The following WDR54 variants were observed in gnomAD, a reference collection of about 807,000 sequenced individuals.
WDR54 encodes the protein WD repeat domain 54, also known as WD repeat-containing protein 54.
Under a neutral mutation model 44.1 loss-of-function variants are expected in WDR54, and 44 were observed. That is an observed-to-expected ratio of 1.00 (90% CI 0.78 to 1.28). The LOEUF (loss-of-function observed/expected upper bound fraction) is 1.28, where lower values mean the gene tolerates loss of function less well. Ranked by LOEUF, WDR54 falls within the 50% of genes most tolerant of loss-of-function variation. The probability of loss-of-function intolerance (pLI) is 0.00; values close to 1 mark genes in which losing one functional copy is unlikely to be tolerated. For missense variants in WDR54, 409 were observed against 429.7 expected, an observed-to-expected ratio of 0.95 and a Z score of 0.43; for synonymous variants, 169 against 169.8, an observed-to-expected ratio of 1.00 and a Z score of 0.04.
At chr2:74,425,512 G>A (rs1270914180) in intron 9 of WDR54, 21 bp downstream of exon 9, 2 of 1,614,220 alleles carry the variant, frequency 1.2e-6, no homozygotes. Context: ...TGGGGTGGGT[G>A]GAATGGGGGG....
intron 2 of WDR54, 169 bp downstream of exon 2, chr2:74,422,544 C>T: frequency 1.2e-6 from 1 of 831,386 alleles, no homozygotes; most frequent in Non-Finnish European, 1.8e-6. Context: ...CCTGTAATCC[C>T]AACACTTTGG....
In WDR54 at chr2:74,425,664, A is replaced by G. The variant is rs1213604643; in HGVS notation, c.968A>G (p.Tyr323Cys). ...GGCAACTCCTTTGCTGTGACTGGCT[A>G]TGACCTTGCGGAGATCCGGAGATTC... ...SSGNSFAVTG[Y>C]DLAEIRRFSS... Residue 323 changes from tyrosine (Y) to cysteine (C), a missense_variant, in exon 10 of 10, where the codon TAT (tyrosine) becomes TGT (cysteine). Tyr to Cys is a radical substitution (Grantham distance 194). Coordinates refer to ENST00000348227, the MANE Select transcript of WDR54 (RefSeq NM_032118.4). 1.2e-6 allele frequency: 2 copies of G among 1,614,200 alleles called. No individual in the cohort carries two copies. The highest frequency in any genetic ancestry group is 2.2e-5 in the East Asian group (1 of 44,886).
chr2:74,424,877 T>G lies in WDR54; in HGVS notation c.537T>G (p.Asp179Glu), dbSNP rs750034224. ...DIATEPAQGQ[D>E]CVADMVTADD... is the part of the protein sequence containing the mutation. ...GTTGATCTTGCCTTTCCCTTCAGGA[T>G]TGTGTGGCTGACATGGTGACGGCAG... The change falls in exon 7 of 10, where the codon GAT (aspartate) becomes GAG (glutamate). Residue 179 changes from aspartate to glutamate, a missense_variant and splice_region_variant. Physicochemically the swap from Asp to Glu is conservative, Grantham distance 45. Coordinates refer to ENST00000348227, the MANE Select transcript of WDR54 (RefSeq NM_032118.4). 52 of 1,614,090 alleles carry G rather than the reference T, an allele frequency of 3.2e-5. No homozygotes were observed. In the South Asian group the frequency reaches 5.7e-4, roughly 18 times the overall value.
chr2:74,424,138 G>C (rs1670250698), intron 6 of WDR54, 156 bp downstream of exon 6: 2 of 840,124 alleles, frequency 2.4e-6, no homozygotes, highest in Non-Finnish European at 3.6e-6. Context: ...GATAAAGCCA[G>C]AGATACTTTA....
chr2:74,422,359 C>A lies in WDR54; in HGVS notation c.206C>A (p.Pro69His), dbSNP rs1367880203. The change falls in exon 2 of 10, where the codon CCC (proline) becomes CAC (histidine). Residue 69 changes from proline (P) to histidine (H), a missense_variant. Physicochemically the swap from Pro to His is moderately conservative, Grantham distance 77. Transcript: ENST00000348227. ...GCTAAGGAGGGTGCTGGAGTGAGTC[C>A]CCCACTTATCACTCAGGTGAGGCAT... ...LHAKEGAGVS[P>H]PLITQVHWCV... 6.2e-7 allele frequency: 1 copy of A among 1,612,702 alleles called. No homozygotes were observed.
At chr2:74,422,090 C>G (rs975778427) in intron 1 of WDR54, 63 bp from the exon 2 acceptor site, 2 of 1,539,720 alleles carry the variant, frequency 1.3e-6, no homozygotes, top group Admixed American at 3.4e-5. Context: ...GATAGCCGCC[C>G]TCGGGCATCT....
At chr2:74,423,201 G>A in intron 3 of WDR54, 118 bp from the exon 4 acceptor site, 1 of 1,230,734 alleles carries the variant, frequency 8.1e-7, no homozygotes, top group Non-Finnish European at 1.2e-6. Flanking sequence ...GATAAAAATA[G>A]TACCTACATC....
At chr2:74,422,085 C>A in intron 1 of WDR54, 68 bp from the exon 2 acceptor site, 2 of 1,512,412 alleles carry the variant, frequency 1.3e-6, no homozygotes, top group African/African-American at 1.4e-5. Context: ...TCGATGATAG[C>A]CGCCCTCGGG....
chr2:74,423,745 A>C (rs1670227036), intron 5 of WDR54, 110 bp from the exon 6 acceptor site: 1 of 1,525,688 alleles, frequency 6.6e-7, no homozygotes, highest in South Asian at 1.2e-5. Context: ...TGGAGCAGTG[A>C]GAGGGGGTTT....
At chr2:74,422,794 CA>C (rs1164877169) in intron 2 of WDR54, 75 bp from the exon 3 acceptor site, 2,493 of 1,046,678 alleles carry the variant, frequency 2.4e-3, no homozygotes, top group East Asian at 6.2e-3. Flanking sequence ...CTCCGTCCCC[CA>C]AAAAAAAAAA....
rs761712007 is a variant in WDR54 at position 74,422,189 on chromosome 2, C to G, written c.36C>G (p.Gly12=). The change falls in exon 2 of 10, where the codon GGC becomes GGG. Residue 12 remains glycine, a synonymous_variant. Coordinates refer to ENST00000348227, the MANE Select transcript of WDR54 (RefSeq NM_032118.4). ...GGGAGCGCTCCATTCCCCTGCGAGG[C>G]TCGGCCGCCGCCCTGTGCAACAACC... ...FRWERSIPLR[G]SAAALCNNLS... 6.2e-7 allele frequency: 1 copy of G among 1,613,706 alleles called. No homozygotes were observed. The highest frequency in any genetic ancestry group is 8.5e-7 in the Non-Finnish European group (1 of 1,180,036).
rs767408982 is a variant in WDR54 at position 74,422,195 on chromosome 2, C to T, written c.42C>T (p.Ala14=). ...GCTCCATTCCCCTGCGAGGCTCGGC[C>T]GCCGCCCTGTGCAACAACCTCAGTG... ...WERSIPLRGS[A]AALCNNLSVL... Residue 14 remains alanine, a synonymous_variant, in exon 2 of 10, where the codon GCC becomes GCT. Transcript: ENST00000348227. 11 of 1,613,818 alleles carry T rather than the reference C, an allele frequency of 6.8e-6. No homozygotes were observed. The highest frequency in any genetic ancestry group is 4.4e-5 in the South Asian group (4 of 91,068).
intron 5 of WDR54, 99 bp downstream of exon 5, chr2:74,423,630 G>C: frequency 2.6e-6 from 4 of 1,525,056 alleles, no homozygotes; most frequent in Non-Finnish European, 3.6e-6. Flanking sequence ...AAGTTAGAGG[G>C]AAGGGTGGAA....
chr2:74,422,080 G>A lies in WDR54; in HGVS notation c.-1-73G>A, dbSNP rs566771208. 4.7e-6 allele frequency: 7 copies of A among 1,497,088 alleles called. No homozygotes were observed. In the Admixed American group the frequency reaches 8.6e-5, roughly 18 times the overall value. The allele number at this position is 1,497,088 out of a possible 1,614,324, so 92.7% of individuals were successfully genotyped here. Reference sequence around the variant, plus strand: ...TCAGGCATCTTCCGAAATGCTCGATGATAGCCGCCCTCGGGCATCTCCGCT... The same window carrying A: ...TCAGGCATCTTCCGAAATGCTCGATAATAGCCGCCCTCGGGCATCTCCGCT... On this transcript the variant is annotated intron_variant, in intron 1 of 9. Coordinates refer to ENST00000348227, the MANE Select transcript of WDR54 (RefSeq NM_032118.4).
Position 74,423,299 on chromosome 2 carries a change from T to C in WDR54, c.286-20T>C. The stretch of plus-strand genomic sequence containing the variant: ...AGGTCAGTTGGGTTATGCCCCCTGG[T>C]TCTTGCCCCGGTCTTCCAGATGTAC... On this transcript the variant is annotated intron_variant, in intron 3 of 9. Transcript: ENST00000348227. The C allele has an allele frequency of 6.2e-7, 1 of 1,612,932 alleles. No homozygotes were observed. Among genetic ancestry groups the C allele is most frequent in the Non-Finnish European group, 8.5e-7 (1 of 1,180,018 alleles).
rs752070619 is a variant in WDR54 at position 74,422,919 on chromosome 2, A to T, written c.272A>T (p.His91Leu). Residue 91 changes from histidine to leucine, a missense_variant, in exon 3 of 10, where the codon CAT (histidine) becomes CTT (leucine). Coordinates refer to ENST00000348227, the MANE Select transcript of WDR54 (RefSeq NM_032118.4). Reference protein sequence around the residue: ...PFRVLLVLTSHRGIQMYESNG... With the variant: ...PFRVLLVLTSLRGIQMYESNG... ...CGAGTGCTGCTGGTACTCACCTCAC[A>T]TCGAGGAATACAGGTAAGAAGAGGA... The T allele has an allele frequency of 8.1e-6, 13 of 1,614,020 alleles. No homozygotes were observed. The Admixed American group carries it at 8.3e-5, about 10-fold the overall frequency.
At chr2:74,422,423 C>T (rs1396959590) in intron 2 of WDR54, 48 bp downstream of exon 2, 5 of 1,558,046 alleles carry the variant, frequency 3.2e-6, no homozygotes, top group African/African-American at 1.4e-5. Flanking sequence ...GTCCTACCCC[C>T]AGCCTTTTCT....
At position 74,423,318 on chromosome 2, in the gene WDR54, G is replaced by T. The variant is rs1453659056; in HGVS notation, c.286-1G>T. 1 of 1,613,538 alleles carries T rather than the reference G, an allele frequency of 6.2e-7. No individual in the cohort carries two copies. The highest frequency in any genetic ancestry group is 1.1e-5 in the South Asian group (1 of 91,044). ...CCCTGGTTCTTGCCCCGGTCTTCCA[G>T]ATGTACGAGTCCAATGGCTACACCA... is the stretch of plus-strand genomic sequence containing the variant. On this transcript the variant is annotated splice_acceptor_variant, in intron 3 of 9. Coordinates refer to ENST00000348227, the MANE Select transcript of WDR54 (RefSeq NM_032118.4). LOFTEE classifies it high-confidence loss of function.
Position 74,425,072 on chromosome 2 carries a change from C to T in WDR54, c.636-3C>T, listed in dbSNP as rs1670312057. Reference sequence around the variant, plus strand: ...AAAACAAAGTTGGGTGTCACCCTTGCAGAGTTCCGTGCCCCTCTGTGCAGC... The same window carrying T: ...AAAACAAAGTTGGGTGTCACCCTTGTAGAGTTCCGTGCCCCTCTGTGCAGC... On this transcript the variant is annotated splice_polypyrimidine_tract_variant and splice_region_variant and intron_variant, in intron 7 of 9. Transcript: ENST00000348227. 1 of 1,609,042 alleles carries T rather than the reference C, an allele frequency of 6.2e-7. No individual in the cohort carries two copies. The highest frequency in any genetic ancestry group is 8.5e-7 in the Non-Finnish European group (1 of 1,175,984).
Sources: gnomAD v4.1 joint callset for allele counts on GRCh38, gnomAD v4.1.1 for gene constraint, MANE v1.5 for transcripts, NCBI Gene and HGNC (gene_info 2026-07-23, HGNC 2026-07-21) for gene names.